Variants in CASD1 observed in about 807,000 individuals in gnomAD.
CASD1 encodes CAS1 domain sialic acid O acetyltransferase 1.
In CASD1, 41 loss-of-function variants were observed where a neutral mutation model predicts 100.0. The observed-to-expected ratio is 0.41, with a 90% CI of 0.32 to 0.53. CASD1 has a LOEUF of 0.53. Ranked by LOEUF, CASD1 falls within the 20% of genes least tolerant of loss-of-function variation. The pLI is 0.25. For synonymous variants in CASD1, 321 were observed against 315.6 expected (o/e 1.02, Z -0.18); for missense variants, 774 against 948.7 (o/e 0.82, Z 2.42).
the CASD1 span, among the ~76,000 whole-genome samples, chr7:94,569,339 T>G: frequency 6.6e-6 from 1 of 152,196 alleles, no homozygotes; most frequent in Non-Finnish European, 1.5e-5. Context: ...ATTGATGATG[T>G]GGTAACCATG....
At chr7:94,596,617 C>T in the CASD1 span, among the ~76,000 whole-genome samples, 9 of 152,202 alleles carry the variant, frequency 5.9e-5, no homozygotes, top group Non-Finnish European at 1.0e-4. Context: ...AAAACCTTTA[C>T]GTTACAGTAC....
chr7:94,559,443 T>C (rs1420454093), downstream of CASD1, among the ~76,000 whole-genome samples: 1 of 152,084 alleles, frequency 6.6e-6, no homozygotes, highest in Admixed American at 6.6e-5. Flanking sequence ...ATACCCTTTG[T>C]CTTTCAGGGA....
chr7:94,587,618 T>G, the CASD1 span: 1 of 1,397,820 alleles, frequency 7.2e-7, no homozygotes, highest in Non-Finnish European at 9.2e-7. Context: ...CCTTCATCAA[T>G]CTCCTGAATG....
chr7:94,624,002 A>G, the CASD1 span: 1,086 of 390,764 alleles, frequency 2.8e-3, 7 homozygotes, highest in Non-Finnish European at 3.8e-3. Context: ...ATATTAGTAA[A>G]CATTTGCAGA....
intron 14 of CASD1, among the ~76,000 whole-genome samples, chr7:94,549,862 CTA>C (rs931751341): frequency 2.0e-5 from 3 of 151,948 alleles, no homozygotes. Context: ...AAAATATTAT[CTA>C]TAACATGGCC....
chr7:94,611,780 G>C, the CASD1 span, among the ~76,000 whole-genome samples: 1 of 151,954 alleles, frequency 6.6e-6, no homozygotes, highest in African/African-American at 2.4e-5. Context: ...CTGTGTTCGA[G>C]AATATGTTCA....
the CASD1 span, among the ~76,000 whole-genome samples, chr7:94,567,159 C>T: frequency 2.6e-5 from 4 of 151,504 alleles, no homozygotes; most frequent in Non-Finnish European, 5.9e-5. Flanking sequence ...CTATTGGAAC[C>T]AAGTCTGTGA....
chr7:94,592,476 G>C, the CASD1 span, among the ~76,000 whole-genome samples: 3 of 152,198 alleles, frequency 2.0e-5, no homozygotes, highest in African/African-American at 7.2e-5. Context: ...TAAGTGAAAA[G>C]TTATTATGTG....
the CASD1 span, chr7:94,624,000 A>C: frequency 5.1e-6 from 2 of 390,400 alleles, no homozygotes; most frequent in Non-Finnish European, 9.0e-6. Context: ...AAATATTAGT[A>C]AACATTTGCA....
the CASD1 span, among the ~76,000 whole-genome samples, chr7:94,583,302 G>A: frequency 1.3e-5 from 2 of 152,074 alleles, no homozygotes; most frequent in African/African-American, 2.4e-5. Flanking sequence ...TACTGCCATT[G>A]GCACTTCTGT....
chr7:94,583,070 TCC>T, the CASD1 span, among the ~76,000 whole-genome samples: 2 of 152,224 alleles, frequency 1.3e-5, no homozygotes, highest in African/African-American at 4.8e-5. Context: ...GGACCATTGA[TCC>T]CAAGTGTCAC....
At chr7:94,588,361 A>G in the CASD1 span, 3 of 1,130,034 alleles carry the variant, frequency 2.7e-6, no homozygotes, top group Non-Finnish European at 3.3e-6. Context: ...CAAATCCTGG[A>G]TGCATCCAAG....
the CASD1 span, among the ~76,000 whole-genome samples, chr7:94,571,912 A>G: frequency 6.6e-6 from 1 of 152,096 alleles, no homozygotes; most frequent in Non-Finnish European, 1.5e-5. Flanking sequence ...TGTATAAATG[A>G]CATTTGCAAG....
chr7:94,544,540 C>T lies in CASD1; in HGVS notation c.1476+10C>T, dbSNP rs776333224. 1 of 1,606,036 alleles carries T rather than the reference C, an allele frequency of 6.2e-7. No homozygotes were observed. The highest frequency in any genetic ancestry group is 1.3e-5 in the African/African-American group (1 of 74,614). On this transcript the variant is annotated intron_variant, in intron 11 of 17. Coordinates refer to ENST00000297273, the MANE Select transcript of CASD1 (RefSeq NM_022900.5). ...CTATAGAGTATGTCAGGTAGGAATG[C>T]ACTGTTATTTCCTTTTCTTCCAGTT...
At chr7:94,577,030 G>A in the CASD1 span, among the ~76,000 whole-genome samples, 1 of 151,970 alleles carries the variant, frequency 6.6e-6, no homozygotes, top group African/African-American at 2.4e-5. Context: ...TCTATTTGTT[G>A]GGATATTAGT....
At chr7:94,538,512 T>C (rs953796075) in intron 9 of CASD1, among the ~76,000 whole-genome samples, 1 of 152,166 alleles carries the variant, frequency 6.6e-6, no homozygotes, top group Admixed American at 6.5e-5. Flanking sequence ...TCATCTTCAT[T>C]GAGAATATAC....
chr7:94,557,563 G>A (rs1796249184), downstream of CASD1, among the ~76,000 whole-genome samples: 1 of 151,984 alleles, frequency 6.6e-6, no homozygotes, highest in African/African-American at 2.4e-5. Context: ...TCTTCTTGAT[G>A]AAACAATTGA....
At chr7:94,581,515 C>G in the CASD1 span, among the ~76,000 whole-genome samples, 1,261 of 152,296 alleles carry the variant, frequency 8.3e-3, 8 homozygotes, top group Middle Eastern at 0.027. Context: ...TCTTCCTGAT[C>G]CGCTCTGTCC....
chr7:94,511,885 T>C (rs949834546), intron 1 of CASD1, among the ~76,000 whole-genome samples: 2 of 152,234 alleles, frequency 1.3e-5, no homozygotes, highest in Non-Finnish European at 2.9e-5. Flanking sequence ...TGGGGACTTA[T>C]GAGTCAGTGT....
Sources: allele counts gnomAD v4.1 joint callset (sites outside exome capture counted in the v4.1 genomes callset), GRCh38; gene constraint gnomAD v4.1.1; transcripts MANE v1.5; gene names NCBI Gene and HGNC (gene_info 2026-07-23, HGNC 2026-07-21).